Variants in UFL1 observed in about 807,000 individuals in gnomAD.
The protein encoded by UFL1 is UFM1 specific ligase 1, also known as E3 UFM1-protein ligase 1.
Under a neutral mutation model 99.3 loss-of-function variants are expected in UFL1, and 78 were observed. The observed-to-expected ratio is 0.79, with a 90% confidence interval of 0.65 to 0.95. UFL1 has a LOEUF of 0.95. UFL1 is among the 40% of genes least tolerant of loss of function. UFL1 has a pLI of 0.00. For synonymous variants in UFL1, 335 were observed against 322.2 expected (o/e 1.04, Z -0.42); for missense variants, 936 against 937.0 (o/e 1.00, Z 0.01).
At chr6:96,543,429 CGCTA>C (rs1769957897) in intron 12 of UFL1, among the ~76,000 whole-genome samples, 6 of 151,064 alleles carry the variant, frequency 4.0e-5, no homozygotes, top group African/African-American at 1.2e-4. Context: ...CAGTGATAAA[CGCTA>C]TGATATTTTA....
chr6:96,521,819 G>A lies in UFL1; in HGVS notation c.-55G>A. The stretch of plus-strand genomic sequence containing the variant: ...CCCGTTCCGCCTCTCTTCTCCCACC[G>A]CCTGTCGGCTGACGTGTCTGCAGTT... On this transcript the variant is annotated 5_prime_UTR_variant, in exon 1 of 19. Coordinates refer to ENST00000369278, the MANE Select transcript of UFL1 (RefSeq NM_015323.5). The A allele has an allele frequency of 2.6e-6, 4 of 1,562,974 alleles. No individual in the cohort carries two copies. The highest frequency in any genetic ancestry group is 2.6e-6 in the Non-Finnish European group (3 of 1,153,386).
intron 17 of UFL1, 129 bp downstream of exon 17, chr6:96,552,052 G>T (rs1770089002): frequency 1.7e-6 from 1 of 589,664 alleles, no homozygotes. Flanking sequence ...TATCTAAATG[G>T]CTGTAGACCT....
chr6:96,549,217 AAATT>A (rs1770041594), intron 13 of UFL1, among the ~76,000 whole-genome samples, 191 bp from the exon 14 acceptor site: 2 of 151,706 alleles, frequency 1.3e-5, no homozygotes, highest in South Asian at 4.1e-4. Context: ...AAAATAGAGA[AAATT>A]AATCTATTTC....
chr6:96,552,392 A>G, intron 17 of UFL1, 90 bp from the exon 18 acceptor site: 4 of 1,359,234 alleles, frequency 2.9e-6, no homozygotes, highest in Non-Finnish European at 3.9e-6. Context: ...AAACTAGAGA[A>G]GCTAAAAATT....
intron 12 of UFL1, among the ~76,000 whole-genome samples, chr6:96,547,022 C>G (rs1333533589): frequency 6.6e-6 from 1 of 151,452 alleles, no homozygotes; most frequent in African/African-American, 2.4e-5. Context: ...AGTTTCTGCA[C>G]AGCAAAATAA....
At chr6:96,528,435 A>C in intron 5 of UFL1, 67 bp from the exon 6 acceptor site, 1 of 1,548,776 alleles carries the variant, frequency 6.5e-7, no homozygotes. Flanking sequence ...CTTGAGTATG[A>C]CTATGCAAAT....
intron 10 of UFL1, among the ~76,000 whole-genome samples, chr6:96,539,029 A>G (rs1456216778): frequency 6.6e-6 from 1 of 151,656 alleles, no homozygotes; most frequent in Non-Finnish European, 1.5e-5. Context: ...GACTTTATAA[A>G]TTAAAATAAC....
intron 12 of UFL1, among the ~76,000 whole-genome samples, chr6:96,544,431 G>A (rs1047273448): frequency 6.6e-6 from 1 of 150,666 alleles, no homozygotes; most frequent in Admixed American, 6.6e-5. Flanking sequence ...AATGATAATA[G>A]ATTGAGATTT....
chr6:96,551,788 C>A, intron 16 of UFL1, 50 bp from the exon 17 acceptor site: 1 of 1,225,052 alleles, frequency 8.2e-7, no homozygotes, highest in Non-Finnish European at 1.2e-6. Flanking sequence ...GCTATACTTC[C>A]TTATGCAGTT....
intron 10 of UFL1, 150 bp from the exon 11 acceptor site, chr6:96,540,385 C>T: frequency 1.0e-6 from 1 of 999,006 alleles, no homozygotes. Flanking sequence ...CAAGGAGAAA[C>T]ATTTGCCTTA....
At chr6:96,527,045 T>C (rs1204335837) in intron 5 of UFL1, among the ~76,000 whole-genome samples, 3 of 152,198 alleles carry the variant, frequency 2.0e-5, no homozygotes, top group African/African-American at 4.8e-5. Context: ...CTCTTAACTT[T>C]AGGTATTTGT....
chr6:96,528,370 C>CT (rs1769731957), intron 5 of UFL1, 132 bp from the exon 6 acceptor site: 2 of 1,073,372 alleles, frequency 1.9e-6, no homozygotes, highest in Non-Finnish European at 1.3e-6. Context: ...ATCTTGTAAT[C>CT]TATGCTTGTT....
At position 96,553,324 on chromosome 6, in the gene UFL1, G is replaced by T; in HGVS notation, c.2206G>T (p.Val736Leu). The T allele has an allele frequency of 1.2e-6, 2 of 1,613,720 alleles. No homozygotes were observed. Among genetic ancestry groups the T allele is most frequent in the Non-Finnish European group, 1.7e-6 (2 of 1,179,776 alleles). Residue 736 changes from valine to leucine, a missense_variant, in exon 19 of 19, where the codon GTA becomes TTA. Val to Leu is a conservative substitution (Grantham distance 32). Coordinates refer to ENST00000369278, the MANE Select transcript of UFL1 (RefSeq NM_015323.5). Reference protein sequence around the residue: ...ALLVKYQGLVVKQLVSQSKKT... With the variant: ...ALLVKYQGLVLKQLVSQSKKT... ...TTTGGTAAAGTATCAAGGTTTGGTT[G>T]TAAAGCAGCTAGTCAGTCAAAGTAA...
intron 17 of UFL1, 129 bp from the exon 18 acceptor site, chr6:96,552,353 A>C: frequency 9.7e-7 from 1 of 1,035,264 alleles, no homozygotes; most frequent in African/African-American, 1.7e-5. Flanking sequence ...CATATTGAAA[A>C]GTTACCTTAA....
In UFL1 at chr6:96,544,315, T is replaced by C. The variant is rs1246355847; in HGVS notation, c.1402+1299T>C. 4.0e-5 allele frequency among the ~76,000 whole-genome samples: 6 copies of C among 150,900 alleles called. No homozygotes were observed. In the Admixed American group the frequency reaches 4.0e-4, roughly 10 times the overall value. On this transcript the variant is annotated intron_variant, in intron 12 of 18. Coordinates refer to ENST00000369278, the MANE Select transcript of UFL1 (RefSeq NM_015323.5). ...CATCTTTTGTTTTTCTAATTAAAAT[T>C]ATGATATTTTTAATTTTTCTGTTTA... is the stretch of plus-strand genomic sequence containing the variant.
chr6:96,542,152 A>G (rs918429607), intron 11 of UFL1, among the ~76,000 whole-genome samples: 7 of 151,362 alleles, frequency 4.6e-5, no homozygotes, highest in Admixed American at 1.3e-4. Flanking sequence ...TTACATGTCA[A>G]TATCAAAGAG....
chr6:96,524,413 A>G lies in UFL1; in HGVS notation c.252+3A>G, dbSNP rs534009134. Reference sequence around the variant, plus strand: ...TAAACATTGTTGATCTACAACAGGTAGGTTTTAAATTTATAAAATTTTTGC... The same window carrying G: ...TAAACATTGTTGATCTACAACAGGTGGGTTTTAAATTTATAAAATTTTTGC... On this transcript the variant is annotated splice_donor_region_variant and intron_variant, in intron 3 of 18. Transcript: ENST00000369278. 7.0e-6 allele frequency: 11 copies of G among 1,577,944 alleles called. No homozygotes were observed. In the South Asian group the frequency reaches 9.8e-5, roughly 14 times the overall value.
chr6:96,528,767 G>T (rs1769738697), intron 6 of UFL1, 135 bp downstream of exon 6: 2 of 1,135,304 alleles, frequency 1.8e-6, no homozygotes, highest in Non-Finnish European at 2.4e-6. Flanking sequence ...CAGATAAAAG[G>T]GCAGCTTTTG....
intron 12 of UFL1, among the ~76,000 whole-genome samples, chr6:96,543,502 T>C (rs1769958873): frequency 2.0e-5 from 3 of 150,854 alleles, no homozygotes; most frequent in Admixed American, 6.6e-5. Flanking sequence ...AGCAAAGAAA[T>C]GAAAAGTGAT....
Sources: gnomAD v4.1 joint callset for allele counts (sites outside exome capture counted in the v4.1 genomes callset) on GRCh38, gnomAD v4.1.1 for gene constraint, MANE v1.5 for transcripts, NCBI Gene and HGNC (gene_info 2026-07-23, HGNC 2026-07-21) for gene names.